The following CNTNAP2 variants were observed in gnomAD, a reference collection of about 807,000 sequenced individuals.
CNTNAP2 encodes contactin-associated protein-like 2.
A neutral mutation model predicts 155.2 loss-of-function variants in CNTNAP2; 98 were observed. The ratio of observed to expected loss-of-function variants is 0.63; its 90% CI spans 0.54 to 0.75. CNTNAP2 has a LOEUF of 0.75. CNTNAP2 is among the 30% of genes least tolerant of loss of function. The pLI, the probability that CNTNAP2 is intolerant of heterozygous loss-of-function variation, is 0.00. For synonymous variants in CNTNAP2, 651 were observed against 631.2 expected (o/e 1.03, Z -0.47); for missense variants, 1,727 against 1,688.1 (o/e 1.02, Z -0.40).
chr7:148,388,256 C>T (rs1799262388), intron 22 of CNTNAP2, among the ~76,000 whole-genome samples: 1 of 151,688 alleles, frequency 6.6e-6, no homozygotes, highest in Non-Finnish European at 1.5e-5. Flanking sequence ...AACTCATCAT[C>T]TAGCATTAGG....
intron 2 of CNTNAP2, among the ~76,000 whole-genome samples, chr7:146,824,303 T>A (rs1409959155): frequency 1.3e-5 from 2 of 152,164 alleles, no homozygotes; most frequent in Non-Finnish European, 2.9e-5. Context: ...GGCATTTGGG[T>A]TGGATCCAAG....
At chr7:147,688,349 C>T (rs1796043692) in intron 13 of CNTNAP2, among the ~76,000 whole-genome samples, 2 of 152,054 alleles carry the variant, frequency 1.3e-5, no homozygotes, top group South Asian at 4.1e-4. Context: ...AACAACAAAA[C>T]CTCTAAAACT....
intron 1 of CNTNAP2, among the ~76,000 whole-genome samples, chr7:146,661,865 G>T (rs1800095880): frequency 6.6e-6 from 1 of 151,688 alleles, no homozygotes; most frequent in Admixed American, 6.6e-5. Flanking sequence ...ATTTTTGTAT[G>T]TTTAATTTTA....
At chr7:146,397,117 C>A (rs1795640166) in intron 1 of CNTNAP2, among the ~76,000 whole-genome samples, 1 of 152,152 alleles carries the variant, frequency 6.6e-6, no homozygotes, top group African/African-American at 2.4e-5. Context: ...TTGTAGTTCA[C>A]TGTAGAGGCT....
intron 14 of CNTNAP2, among the ~76,000 whole-genome samples, chr7:147,914,646 G>A (rs1585025876): frequency 1.3e-5 from 2 of 151,974 alleles, no homozygotes; most frequent in South Asian, 2.1e-4. Context: ...CTGCAACCTC[G>A]ACCTCCCCAG....
intron 1 of CNTNAP2, 91 bp downstream of exon 1, chr7:146,117,064 G>A (rs900947975): frequency 9.3e-7 from 1 of 1,079,692 alleles, no homozygotes; most frequent in Non-Finnish European, 1.4e-6. Flanking sequence ...GTGCATCGCA[G>A]TGCTGGCACC....
intron 13 of CNTNAP2, among the ~76,000 whole-genome samples, chr7:147,744,613 C>T (rs1343102159): frequency 6.6e-6 from 1 of 152,138 alleles, no homozygotes; most frequent in Non-Finnish European, 1.5e-5. Context: ...GCATAAGCAA[C>T]AGAAATTTAT....
At chr7:146,960,925 A>T (rs1387035231) in intron 3 of CNTNAP2, among the ~76,000 whole-genome samples, 1 of 152,156 alleles carries the variant, frequency 6.6e-6, no homozygotes, top group Admixed American at 6.5e-5. Flanking sequence ...GTGCTAAAGG[A>T]CATGCTTTAG....
At chr7:147,734,637 G>C (rs1254788411) in intron 13 of CNTNAP2, among the ~76,000 whole-genome samples, 8 of 152,148 alleles carry the variant, frequency 5.3e-5, no homozygotes, top group African/African-American at 1.2e-4. Flanking sequence ...CTGTGAATCT[G>C]TCTGGTCCTG....
rs191241343 is a variant in CNTNAP2, at chr7:147,353,996, T to C, written c.1499-41613T>C. 3.5e-3 allele frequency among the ~76,000 whole-genome samples: 537 copies of C among 152,030 alleles called. 6 individuals are homozygous for C. The highest frequency in any genetic ancestry group is 0.012 in the African/African-American group (502 of 41,462). ...CACTTTTTGATGTTTTTTTTTTTCT[T>C]GTAAATTTGTTTAAGTTCCTTGTAG... On this transcript the variant is annotated intron_variant, in intron 9 of 23. Transcript: ENST00000361727.
At chr7:148,233,494 A>G (rs748518247) in intron 20 of CNTNAP2, among the ~76,000 whole-genome samples, 11 of 152,212 alleles carry the variant, frequency 7.2e-5, no homozygotes, top group Non-Finnish European at 1.6e-4. Context: ...GCAACCCATA[A>G]GGATGAACTA....
At chr7:148,117,457 A>G (rs1211394278) in intron 15 of CNTNAP2, among the ~76,000 whole-genome samples, 1 of 152,154 alleles carries the variant, frequency 6.6e-6, no homozygotes, top group Non-Finnish European at 1.5e-5. Context: ...AGGCTCCGTC[A>G]GTTGTATTCC....
At chr7:146,483,320 T>TATATAC (rs1797004495) in intron 1 of CNTNAP2, among the ~76,000 whole-genome samples, 2 of 85,682 alleles carry the variant, frequency 2.3e-5, no homozygotes, top group Non-Finnish European at 4.4e-5. Context: ...TATATATATA[T>TATATAC]ATATATATAC....
chr7:147,398,517 G>A (rs1796858718), intron 10 of CNTNAP2, among the ~76,000 whole-genome samples: 1 of 149,870 alleles, frequency 6.7e-6, no homozygotes, highest in South Asian at 2.1e-4. Flanking sequence ...GATTTGATGA[G>A]TAGAACTTAG....
chr7:147,989,162 T>C (rs998419161), intron 15 of CNTNAP2, among the ~76,000 whole-genome samples: 2 of 152,184 alleles, frequency 1.3e-5, no homozygotes, highest in Non-Finnish European at 2.9e-5. Context: ...ATTCAGGAAG[T>C]CTGGAGCAGG....
At chr7:146,675,180 A>AC (rs1800377510) in intron 1 of CNTNAP2, among the ~76,000 whole-genome samples, 1 of 148,944 alleles carries the variant, frequency 6.7e-6, no homozygotes, top group African/African-American at 2.4e-5. Flanking sequence ...GAAAAAAAAA[A>AC]TAATAAATGG....
intron 10 of CNTNAP2, among the ~76,000 whole-genome samples, chr7:147,440,084 G>T (rs985464981): frequency 2.0e-5 from 3 of 151,960 alleles, no homozygotes; most frequent in East Asian, 3.8e-4. Flanking sequence ...GGTAAGTAAA[G>T]ACTTACTCCT....
At position 147,132,240 on chromosome 7, in the gene CNTNAP2, T is replaced by C. The variant is rs1040699485; in HGVS notation, c.1084-5T>C. On this transcript the variant is annotated splice_polypyrimidine_tract_variant and splice_region_variant and intron_variant, in intron 7 of 23. Coordinates refer to ENST00000361727, the MANE Select transcript of CNTNAP2 (RefSeq NM_014141.6). ...TTCCTCAGAGCCTGTCTTTCTATTT[T>C]ACAGGGAAATTTGAGCTTTTCTTGT... The C allele has an allele frequency of 1.9e-6, 3 of 1,613,562 alleles. No individual in the cohort carries two copies. The highest frequency in any genetic ancestry group is 1.1e-5 in the South Asian group (1 of 91,076).
chr7:147,662,165 C>A (rs55859712), intron 13 of CNTNAP2, among the ~76,000 whole-genome samples: 7,600 of 152,222 alleles, frequency 0.05, 626 homozygotes, highest in African/African-American at 0.17. Context: ...CAAACCCTCC[C>A]GATCTGACAT....
Sources: gnomAD v4.1 joint callset for allele counts (sites outside exome capture counted in the v4.1 genomes callset) on GRCh38, gnomAD v4.1.1 for gene constraint, MANE v1.5 for transcripts, NCBI Gene and HGNC (gene_info 2026-07-23, HGNC 2026-07-21) for gene names.